The following NTM variants were observed in gnomAD, a reference collection of about 807,000 sequenced individuals.
NTM encodes IgLON family member 2.
NTM carries 13 observed loss-of-function variants against 42.1 expected under a neutral mutation model. That is an observed-to-expected ratio of 0.31 (90% confidence interval 0.20 to 0.49). The LOEUF is 0.49. NTM is among the 20% of genes least tolerant of loss of function. The probability of loss-of-function intolerance (pLI) is 0.99; values close to 1 mark genes in which losing one functional copy is unlikely to be tolerated. For missense variants in NTM, 373 were observed against 452.8 expected, an observed-to-expected ratio of 0.82 and a Z score of 1.60; for synonymous variants, 187 against 179.2, an observed-to-expected ratio of 1.04 and a Z score of -0.35.
intron 1 of NTM, among the ~76,000 whole-genome samples, chr11:131,846,624 T>A (rs542874563): frequency 1.3e-5 from 2 of 152,332 alleles, no homozygotes; most frequent in Non-Finnish European, 2.9e-5. Flanking sequence ...GAATGAAATT[T>A]GAATTTTAAA....
intron 1 of NTM, among the ~76,000 whole-genome samples, chr11:131,591,447 C>G (rs980523066): frequency 4.6e-5 from 7 of 152,172 alleles, no homozygotes; most frequent in African/African-American, 1.7e-4. Flanking sequence ...AAGGGGGGCA[C>G]ACCCTGGCTC....
chr11:132,169,979 G>T (rs73038227), intron 3 of NTM, among the ~76,000 whole-genome samples: 1 of 152,128 alleles, frequency 6.6e-6, no homozygotes. Context: ...CCTCTGTTTA[G>T]GAAAAGAGTG....
chr11:132,079,657 G>A (rs1006375379), intron 2 of NTM, among the ~76,000 whole-genome samples: 4 of 152,114 alleles, frequency 2.6e-5, no homozygotes, highest in East Asian at 1.9e-4. Context: ...CTTTTGCATG[G>A]CAGACCTTCA....
At chr11:131,525,171 C>T (rs2050294678) in intron 1 of NTM, among the ~76,000 whole-genome samples, 1 of 152,136 alleles carries the variant, frequency 6.6e-6, no homozygotes, top group Non-Finnish European at 1.5e-5. Flanking sequence ...CTCTCTCCAG[C>T]AGGATTGATC....
intron 1 of NTM, among the ~76,000 whole-genome samples, chr11:131,709,096 G>A (rs1205398043): frequency 6.6e-6 from 1 of 152,180 alleles, no homozygotes; most frequent in Non-Finnish European, 1.5e-5. Flanking sequence ...AGCATTGCTG[G>A]TGTGTTCAAG....
At chr11:131,989,401 A>G (rs2066623055) in intron 2 of NTM, among the ~76,000 whole-genome samples, 1 of 152,218 alleles carries the variant, frequency 6.6e-6, no homozygotes, top group African/African-American at 2.4e-5. Context: ...TTGCAGAATT[A>G]AATTACGATG....
chr11:131,739,191 T>C (rs1374870853), intron 1 of NTM, among the ~76,000 whole-genome samples: 1 of 152,028 alleles, frequency 6.6e-6, no homozygotes, highest in Admixed American at 6.6e-5. Context: ...AGTTTTCTTT[T>C]TTTTTTTTTA....
intron 2 of NTM, among the ~76,000 whole-genome samples, chr11:131,922,866 T>C (rs1299526419): frequency 3.3e-5 from 5 of 152,214 alleles, no homozygotes; most frequent in African/African-American, 9.7e-5. Flanking sequence ...CTGGTGCCTA[T>C]GTAAGCCTCA....
At chr11:131,801,617 C>A (rs1471143465) in intron 1 of NTM, among the ~76,000 whole-genome samples, 1 of 150,716 alleles carries the variant, frequency 6.6e-6, no homozygotes, top group African/African-American at 2.5e-5. Flanking sequence ...GCTATGTAGA[C>A]CCCTTTTTTT....
chr11:132,144,280 G>A (rs2069837764), intron 2 of NTM, among the ~76,000 whole-genome samples: 1 of 152,200 alleles, frequency 6.6e-6, no homozygotes, highest in South Asian at 2.1e-4. Flanking sequence ...TAAAAATGCA[G>A]AATCCAAGGC....
At chr11:131,597,282 G>C (rs1415857623) in intron 1 of NTM, among the ~76,000 whole-genome samples, 2 of 152,076 alleles carry the variant, frequency 1.3e-5, no homozygotes, top group African/African-American at 2.4e-5. Context: ...TGTGGCACTT[G>C]CTCTGTCTTC....
At chr11:131,935,026 T>G (rs1000882910) in intron 2 of NTM, among the ~76,000 whole-genome samples, 1 of 152,110 alleles carries the variant, frequency 6.6e-6, no homozygotes, top group African/African-American at 2.4e-5. Context: ...ACTGCAGTAT[T>G]CAGGTGAGGG....
At chr11:132,325,360 A>G (rs1055834035) in intron 7 of NTM, among the ~76,000 whole-genome samples, 37 of 152,362 alleles carry the variant, frequency 2.4e-4, no homozygotes, top group African/African-American at 8.7e-4. Flanking sequence ...GGCAAAGGAC[A>G]TGAACAGACA....
chr11:131,996,833 C>CT (rs1330629052), intron 2 of NTM, among the ~76,000 whole-genome samples: 1 of 152,158 alleles, frequency 6.6e-6, no homozygotes, highest in East Asian at 1.9e-4. Flanking sequence ...TGCCAGGACT[C>CT]TCCCCAGCCT....
intron 1 of NTM, among the ~76,000 whole-genome samples, chr11:131,436,996 T>C (rs943273707): frequency 1.3e-5 from 2 of 152,244 alleles, no homozygotes; most frequent in Admixed American, 6.5e-5. Context: ...TTTGTTCTCA[T>C]TGGTTTCAAA....
At chr11:131,540,183 G>A (rs1272424263) in intron 1 of NTM, among the ~76,000 whole-genome samples, 2 of 44,940 alleles carry the variant, frequency 4.5e-5, no homozygotes, top group African/African-American at 8.4e-5. Context: ...TTTTTTTTTT[G>A]AGACGGAGTC....
chr11:132,210,127 C>T (rs972753412), intron 3 of NTM, among the ~76,000 whole-genome samples: 17 of 152,160 alleles, frequency 1.1e-4, no homozygotes, highest in Admixed American at 9.2e-4. Context: ...GTGCAGCTTC[C>T]CTGGGCTCTC....
chr11:131,585,207 C>G (rs544711416), intron 1 of NTM, among the ~76,000 whole-genome samples: 2 of 152,310 alleles, frequency 1.3e-5, no homozygotes, highest in South Asian at 4.1e-4. Context: ...TAGTGACTTT[C>G]TTTTTGGATT....
At chr11:131,565,119 G>A (rs998332842) in intron 1 of NTM, among the ~76,000 whole-genome samples, 2 of 152,174 alleles carry the variant, frequency 1.3e-5, no homozygotes, top group Non-Finnish European at 2.9e-5. Flanking sequence ...ACCCTGGCGC[G>A]CATGTTGGTG....
Sources: gnomAD v4.1 joint callset for allele counts (sites outside exome capture counted in the v4.1 genomes callset) on GRCh38, gnomAD v4.1.1 for gene constraint, MANE v1.5 for transcripts, NCBI Gene and HGNC (gene_info 2026-07-23, HGNC 2026-07-21) for gene names.